The following VWCE variants were observed in gnomAD, a reference collection of about 807,000 sequenced individuals.
VWCE encodes the protein von Willebrand factor C and EGF domain-containing protein.
In VWCE, 68 loss-of-function variants were observed where a neutral mutation model predicts 102.9. That is an observed-to-expected ratio of 0.66 (90% confidence interval 0.54 to 0.81). The LOEUF (loss-of-function observed/expected upper bound fraction) is 0.81. Ranked by LOEUF, VWCE falls within the 30% of genes least tolerant of loss-of-function variation. The pLI, the probability that VWCE is intolerant of heterozygous loss-of-function variation, is 0.00. For missense variants in VWCE, 1,137 were observed against 1,263.6 expected, an observed-to-expected ratio of 0.90 and a Z score of 1.52; for synonymous variants, 497 against 515.4, an observed-to-expected ratio of 0.96 and a Z score of 0.48.
chr11:61,260,111 C>A (rs973056592), intron 19 of VWCE, among the ~76,000 whole-genome samples: 26 of 152,084 alleles, frequency 1.7e-4, no homozygotes, highest in African/African-American at 6.0e-4. Context: ...AAAACTTAAC[C>A]GGACGTGGTG....
chr11:61,281,207 A>C lies in VWCE; in HGVS notation c.816T>G (p.Ser272=). ...GGTGTTGCCGGGGTTGCAGGATGGC[A>C]GATGGGGCCAGCACGGCTTTCGGGA... ...EAFPKAVLAP[S]AILQPRQHPS... is the part of the protein sequence containing the mutation. The change falls in exon 8 of 20, where the codon TCT becomes TCG. Residue 272 remains serine, a synonymous_variant. Coordinates refer to ENST00000335613, the MANE Select transcript of VWCE (RefSeq NM_152718.2). The C allele has an allele frequency of 6.2e-7, 1 of 1,612,990 alleles. No homozygotes were observed. Among genetic ancestry groups the C allele is most frequent in the South Asian group, 1.1e-5 (1 of 91,030 alleles).
chr11:61,293,241 CAAAAAAAAAA>C (rs764741197), intron 1 of VWCE, among the ~76,000 whole-genome samples: 16 of 18,028 alleles, frequency 8.9e-4, no homozygotes, highest in South Asian at 1.8e-3. Flanking sequence ...AACTCCATCT[CAAAAAAAAAA>C]AAAAAAAAAA....
intron 14 of VWCE, among the ~76,000 whole-genome samples, chr11:61,270,565 T>C (rs1854654178): frequency 6.6e-6 from 1 of 152,242 alleles, no homozygotes; most frequent in Non-Finnish European, 1.5e-5. Flanking sequence ...ATTGTATTTC[T>C]GGGTGGATAG....
chr11:61,274,839 A>C (rs1854855442), intron 11 of VWCE, among the ~76,000 whole-genome samples: 1 of 152,180 alleles, frequency 6.6e-6, no homozygotes, highest in African/African-American at 2.4e-5. Flanking sequence ...AGGTGGGAGG[A>C]TCTCTTGCAG....
At position 61,281,252 on chromosome 11, in the gene VWCE, G is replaced by A; in HGVS notation, c.788-17C>T. 3 of 1,611,600 alleles carry A rather than the reference G, an allele frequency of 1.9e-6. No homozygotes were observed. Among genetic ancestry groups the A allele is most frequent in the Non-Finnish European group, 2.5e-6 (3 of 1,179,884 alleles). On this transcript the variant is annotated splice_polypyrimidine_tract_variant and intron_variant, in intron 7 of 19. Coordinates refer to ENST00000335613, the MANE Select transcript of VWCE (RefSeq NM_152718.2). ...TCGGGAAAGCTGAAACAGAAGCACG[G>A]AGGTCTCTTGGGGTGGACAGCAGAG...
At chr11:61,287,727 C>T (rs1855378516) in intron 4 of VWCE, among the ~76,000 whole-genome samples, 1 of 152,208 alleles carries the variant, frequency 6.6e-6, no homozygotes, top group Non-Finnish European at 1.5e-5. Flanking sequence ...GGGAGAAGGA[C>T]TGCCCAGGTG....
rs1854282254 is a variant in VWCE at position 61,259,213 on chromosome 11, G to A, written c.2330C>T (p.Pro777Leu). Residue 777 changes from proline to leucine, a missense_variant, in exon 20 of 20, where the codon CCT (proline) becomes CTT (leucine). By Grantham distance (98) the Pro-to-Leu change is moderately conservative. Transcript: ENST00000335613. ...GRSLHGDTEA[P>L]VNCSSCPGPP... ...CCCAGGACAGGAGCTACAGTTGACAGGGGCCTCAGTGTCTCCATGCAGGCT... is the reference window on the plus strand; with the variant it reads ...CCCAGGACAGGAGCTACAGTTGACAAGGGCCTCAGTGTCTCCATGCAGGCT... 2 of 1,614,040 alleles carry A rather than the reference G, an allele frequency of 1.2e-6. No individual in the cohort carries two copies. The highest frequency in any genetic ancestry group is 2.7e-5 in the African/African-American group (2 of 74,920).
chr11:61,278,900 G>A (rs529788804), intron 9 of VWCE, among the ~76,000 whole-genome samples: 92 of 152,118 alleles, frequency 6.0e-4, no homozygotes, highest in African/African-American at 2.2e-3. Flanking sequence ...TTAGCTGGGC[G>A]TGGTGGCGTG....
At chr11:61,264,846 G>A in intron 18 of VWCE, 110 bp downstream of exon 18, 1 of 1,205,792 alleles carries the variant, frequency 8.3e-7, no homozygotes, top group Non-Finnish European at 1.2e-6. Flanking sequence ...GCGGAGGATG[G>A]CAGGAGGATG....
chr11:61,289,281 T>C (rs1159527170), intron 4 of VWCE, among the ~76,000 whole-genome samples: 1 of 151,808 alleles, frequency 6.6e-6, no homozygotes, highest in Non-Finnish European at 1.5e-5. Flanking sequence ...TGAGACAGTC[T>C]TGCTCTGTCG....
chr11:61,270,461 G>A (rs1362112649), intron 14 of VWCE, among the ~76,000 whole-genome samples: 1 of 152,232 alleles, frequency 6.6e-6, no homozygotes, highest in African/African-American at 2.4e-5. Flanking sequence ...AAGCCAGCAT[G>A]TATTAGATTG....
intron 10 of VWCE, 79 bp downstream of exon 10, chr11:61,278,315 C>A (rs1854993727): frequency 6.1e-6 from 9 of 1,476,310 alleles, no homozygotes; most frequent in African/African-American, 1.4e-5. Context: ...CCTTTAACAT[C>A]CGGTCTTTTC....
At position 61,271,709 on chromosome 11, in the gene VWCE, G is replaced by T; in HGVS notation, c.1751C>A (p.Ser584Ter). 6.2e-7 allele frequency: 1 copy of T among 1,613,578 alleles called. No individual in the cohort carries two copies. The highest frequency in any genetic ancestry group is 1.1e-5 in the South Asian group (1 of 90,914). ...GCATAACTCACAGGGGTCACCAGGC[G>T]ACCAGATCTGTCCAATCGGAAACTC... The part of the protein sequence containing the change: ...GVEFPIGQIW[S>*]PGDPCELCIC... Residue 584 changes from serine (S) to a stop codon, truncating the protein, a stop_gained, in exon 14 of 20, where the codon TCG becomes TAG. Transcript: ENST00000335613. LOFTEE classifies it high-confidence loss of function.
intron 14 of VWCE, among the ~76,000 whole-genome samples, chr11:61,270,019 G>A (rs1300736293): frequency 2.7e-5 from 4 of 148,394 alleles, no homozygotes; most frequent in East Asian, 2.0e-4. Context: ...CCGGGTTCAC[G>A]CCATTCTCCT....
At chr11:61,265,604 C>T (rs751218550) in intron 16 of VWCE, among the ~76,000 whole-genome samples, 6 of 152,314 alleles carry the variant, frequency 3.9e-5, no homozygotes, top group South Asian at 2.1e-4. Flanking sequence ...GGCTGTTTAC[C>T]GTGAGTTTCT....
chr11:61,278,908 G>A (rs919761988), intron 9 of VWCE, among the ~76,000 whole-genome samples: 2 of 151,988 alleles, frequency 1.3e-5, no homozygotes, highest in African/African-American at 4.8e-5. Context: ...GCGTGGTGGC[G>A]TGTGCCTGTA....
At chr11:61,260,438 A>G (rs1310950851) in intron 19 of VWCE, among the ~76,000 whole-genome samples, 1 of 151,858 alleles carries the variant, frequency 6.6e-6, no homozygotes, top group Non-Finnish European at 1.5e-5. Flanking sequence ...CACACCTGGC[A>G]TTCTGTTCTG....
At chr11:61,270,356 C>T (rs1028280712) in intron 14 of VWCE, among the ~76,000 whole-genome samples, 1 of 152,194 alleles carries the variant, frequency 6.6e-6, no homozygotes, top group Non-Finnish European at 1.5e-5. Context: ...CCTCGAAAGG[C>T]TGCACGTCTA....
At position 61,270,184 on chromosome 11, in the gene VWCE, G is replaced by A. The variant is rs113174431; in HGVS notation, c.1786-1166C>T. Among the ~76,000 whole-genome samples the A allele has an allele frequency of 3.0e-4, 45 of 152,286 alleles. 1 individual carries two copies. Among genetic ancestry groups the A allele is most frequent in the East Asian group, 7.7e-4 (4 of 5,186 alleles). ...TCCACCTGCCTCGGCCTCCCAAAGC[G>A]TTGGGATTACAGGCGTGAGCCACCG... On this transcript the variant is annotated intron_variant, in intron 14 of 19. Transcript: ENST00000335613.
Sources: gnomAD v4.1 joint callset for allele counts (sites outside exome capture counted in the v4.1 genomes callset) on GRCh38, gnomAD v4.1.1 for gene constraint, MANE v1.5 for transcripts, NCBI Gene and HGNC (gene_info 2026-07-23, HGNC 2026-07-21) for gene names.